EXOC4: variants seen among roughly 807,000 people sequenced by gnomAD.
EXOC4 encodes the protein SEC8-like 1.
Under a neutral mutation model 107.2 loss-of-function variants are expected in EXOC4, and 71 were observed. The ratio of observed to expected loss-of-function variants is 0.66; its 90% CI spans 0.55 to 0.81. The LOEUF is 0.81. Ranked by LOEUF, EXOC4 falls within the 30% of genes least tolerant of loss-of-function variation. EXOC4 has a pLI of 0.00. For synonymous variants in EXOC4, 456 were observed against 441.2 expected (o/e 1.03, Z -0.42); for missense variants, 1,108 against 1,189.6 (o/e 0.93, Z 1.01).
At chr7:133,288,557 G>A (rs1794332786) in intron 2 of EXOC4, among the ~76,000 whole-genome samples, 1 of 152,238 alleles carries the variant, frequency 6.6e-6, no homozygotes, top group African/African-American at 2.4e-5. Flanking sequence ...GCAAGCATTG[G>A]GGAAGGTATA....
At chr7:133,782,143 G>C (rs1796481424) in intron 10 of EXOC4, among the ~76,000 whole-genome samples, 1 of 152,100 alleles carries the variant, frequency 6.6e-6, no homozygotes, top group Non-Finnish European at 1.5e-5. Flanking sequence ...GACCATATTG[G>C]CTTCCTTAGC....
At chr7:133,489,153 TA>T (rs1799325515) in intron 9 of EXOC4, among the ~76,000 whole-genome samples, 1 of 151,888 alleles carries the variant, frequency 6.6e-6, no homozygotes. Flanking sequence ...GGCATAAATA[TA>T]AAAGTCAAGG....
At chr7:133,400,051 A>G (rs1797055362) in intron 7 of EXOC4, among the ~76,000 whole-genome samples, 1 of 152,196 alleles carries the variant, frequency 6.6e-6, no homozygotes, top group African/African-American at 2.4e-5. Flanking sequence ...TTTTATATGC[A>G]TTTTGAATTT....
intron 17 of EXOC4, among the ~76,000 whole-genome samples, chr7:134,033,840 A>G (rs1795326159): frequency 6.6e-6 from 1 of 152,230 alleles, no homozygotes. Context: ...CAATAGCACT[A>G]AGTGCTAAGA....
intron 4 of EXOC4, chr7:133,315,339 C>T (rs1228941590): frequency 6.6e-6 from 1 of 152,304 alleles, no homozygotes; most frequent in Non-Finnish European, 1.5e-5. Flanking sequence ...CTAATAAGAA[C>T]CAGGTGTTTG....
intron 17 of EXOC4, among the ~76,000 whole-genome samples, chr7:134,014,455 G>A (rs1207799006): frequency 1.3e-5 from 2 of 152,144 alleles, no homozygotes; most frequent in Admixed American, 6.5e-5. Flanking sequence ...TGAATAGAAC[G>A]TGGTACATTC....
intron 6 of EXOC4, among the ~76,000 whole-genome samples, chr7:133,367,623 A>G (rs1396413388): frequency 6.6e-6 from 1 of 152,104 alleles, no homozygotes; most frequent in Admixed American, 6.5e-5. Context: ...TCTCTTCTAA[A>G]ATACTTTCCC....
chr7:134,069,526 C>A (rs1232854431), downstream of EXOC4, among the ~76,000 whole-genome samples: 1 of 152,068 alleles, frequency 6.6e-6, no homozygotes, highest in Non-Finnish European at 1.5e-5. Context: ...GAGACAAGGT[C>A]TCACTCTGTT....
intron 10 of EXOC4, among the ~76,000 whole-genome samples, chr7:133,655,839 A>G (rs1323238277): frequency 6.6e-6 from 1 of 152,226 alleles, no homozygotes; most frequent in African/African-American, 2.4e-5. Flanking sequence ...ATAATGATAA[A>G]AGCCGAGTAT....
chr7:133,412,505 C>G (rs753977787), intron 7 of EXOC4, among the ~76,000 whole-genome samples: 1 of 151,588 alleles, frequency 6.6e-6, no homozygotes, highest in Non-Finnish European at 1.5e-5. Context: ...TAATGGTAGC[C>G]CAGCTCTGCA....
chr7:133,981,993 T>C (rs1793991978), intron 14 of EXOC4, among the ~76,000 whole-genome samples: 2 of 152,204 alleles, frequency 1.3e-5, no homozygotes, highest in South Asian at 4.1e-4. Context: ...TTTAGCAAAG[T>C]AATGCAGGAA....
At chr7:133,545,743 T>G (rs1800467644) in intron 9 of EXOC4, among the ~76,000 whole-genome samples, 1 of 152,196 alleles carries the variant, frequency 6.6e-6, no homozygotes, top group South Asian at 2.1e-4. Flanking sequence ...TACTTTGCAG[T>G]CTATATCTAT....
At chr7:134,045,301 A>T (rs1361908917) in intron 17 of EXOC4, among the ~76,000 whole-genome samples, 1 of 152,218 alleles carries the variant, frequency 6.6e-6, no homozygotes, top group Non-Finnish European at 1.5e-5. Flanking sequence ...GTATGTAGGG[A>T]TGGAGAAAGT....
intron 17 of EXOC4, among the ~76,000 whole-genome samples, chr7:134,029,148 A>C (rs1413054375): frequency 6.6e-6 from 1 of 152,206 alleles, no homozygotes; most frequent in East Asian, 1.9e-4. Context: ...CTCAGTATCC[A>C]AAACATTCTA....
At chr7:133,513,560 A>G (rs1248815328) in intron 9 of EXOC4, among the ~76,000 whole-genome samples, 2 of 152,210 alleles carry the variant, frequency 1.3e-5, no homozygotes, top group Non-Finnish European at 2.9e-5. Context: ...TCCTTGATTT[A>G]AATGATCCAG....
chr7:133,627,451 A>G (rs1417723693), intron 9 of EXOC4, among the ~76,000 whole-genome samples: 1 of 152,234 alleles, frequency 6.6e-6, no homozygotes, highest in Non-Finnish European at 1.5e-5. Flanking sequence ...AAAGGTTATC[A>G]AAAGACATGT....
At chr7:133,393,208 G>A in intron 7 of EXOC4, among the ~76,000 whole-genome samples, 1 of 152,028 alleles carries the variant, frequency 6.6e-6, no homozygotes, top group South Asian at 2.1e-4. Context: ...CCACTCATTT[G>A]ACATATCTAA....
intron 17 of EXOC4, among the ~76,000 whole-genome samples, chr7:134,009,353 T>A (rs1585318686): frequency 6.6e-6 from 1 of 152,300 alleles, no homozygotes; most frequent in East Asian, 1.9e-4. Flanking sequence ...TATGCTGTGA[T>A]CTTTGTTTTG....
intron 9 of EXOC4, among the ~76,000 whole-genome samples, chr7:133,556,902 C>T (rs1427577899): frequency 2.6e-5 from 4 of 152,162 alleles, no homozygotes; most frequent in Non-Finnish European, 5.9e-5. Context: ...TGGGACAGGT[C>T]CGTGCCTGGG....
Sources: allele counts gnomAD v4.1 joint callset (sites outside exome capture counted in the v4.1 genomes callset), GRCh38; gene constraint gnomAD v4.1.1; transcripts MANE v1.5; gene names NCBI Gene and HGNC (gene_info 2026-07-23, HGNC 2026-07-21).